The following ZNF407 variants were observed in gnomAD, a reference collection of about 807,000 sequenced individuals.
ZNF407 encodes zinc finger protein 407.
Under a neutral mutation model 131.2 loss-of-function variants are expected in ZNF407, and 17 were observed. That is an observed-to-expected ratio of 0.13 (90% CI 0.09 to 0.19). The LOEUF (loss-of-function observed/expected upper bound fraction) is 0.19. Among genes scored for constraint, ZNF407 ranks in the 10% least tolerant of loss-of-function variants. The pLI is 1.00. For missense variants in ZNF407, 2,681 were observed against 2,830.6 expected (o/e 0.95, Z 1.20); for synonymous variants, 1,156 against 1,062.0 (o/e 1.09, Z -1.72).
In ZNF407 at chr18:74,812,365, C is replaced by T. The variant is rs1168132561; in HGVS notation, c.4877+30863C>T. Among the ~76,000 whole-genome samples the T allele has an allele frequency of 2.0e-5, 3 of 152,186 alleles. No homozygotes were observed. The South Asian group carries it at 6.2e-4, about 31-fold the overall frequency. On this transcript the variant is annotated intron_variant, in intron 4 of 8. Transcript: ENST00000299687. ...ACAATGACTTCTTTACTCTGTTTCA[C>T]ATATACTACCTTCAATGTAATCCCC...
chr18:75,018,412 T>C (rs1035372304), intron 8 of ZNF407, among the ~76,000 whole-genome samples: 2 of 152,148 alleles, frequency 1.3e-5, no homozygotes, highest in East Asian at 3.9e-4. Context: ...TTAGAACTGA[T>C]TGGGATTTGT....
At chr18:74,997,771 T>C (rs1972796255) in intron 8 of ZNF407, among the ~76,000 whole-genome samples, 1 of 152,222 alleles carries the variant, frequency 6.6e-6, no homozygotes, top group South Asian at 2.1e-4. Flanking sequence ...CCTGCTCTTC[T>C]TCTTCCTGCG....
At chr18:74,911,633 A>G (rs1049538933) in intron 7 of ZNF407, among the ~76,000 whole-genome samples, 1 of 152,176 alleles carries the variant, frequency 6.6e-6, no homozygotes, top group Non-Finnish European at 1.5e-5. Context: ...ACCGCACTCA[A>G]TTCAATTTTC....
At chr18:74,600,679 A>C (rs1289963715) in intron 1 of ZNF407, among the ~76,000 whole-genome samples, 1 of 152,204 alleles carries the variant, frequency 6.6e-6, no homozygotes, top group African/African-American at 2.4e-5. Flanking sequence ...ACAGGAACTC[A>C]CTGGGCAAAG....
chr18:74,662,477 A>C (rs1382958179), intron 3 of ZNF407, among the ~76,000 whole-genome samples: 1 of 152,230 alleles, frequency 6.6e-6, no homozygotes, highest in Non-Finnish European at 1.5e-5. Context: ...GCTTGAAATA[A>C]GTTCATAAGC....
chr18:74,775,565 A>G (rs1483568920), intron 3 of ZNF407, among the ~76,000 whole-genome samples: 2 of 152,170 alleles, frequency 1.3e-5, no homozygotes, highest in Admixed American at 6.5e-5. Context: ...AGTTGTGTGA[A>G]TCAGAAGTTT....
chr18:74,828,630 G>A (rs2162209), intron 4 of ZNF407, among the ~76,000 whole-genome samples: 13,172 of 152,214 alleles, frequency 0.087, 653 homozygotes, highest in South Asian at 0.17. Flanking sequence ...TTCCACCACT[G>A]TATAGCTAGA....
At chr18:74,699,391 G>A (rs186956594) in intron 3 of ZNF407, among the ~76,000 whole-genome samples, 178 of 152,244 alleles carry the variant, frequency 1.2e-3, no homozygotes, top group African/African-American at 3.7e-3. Context: ...AGAATTTAGG[G>A]GAGTGCTGGG....
intron 8 of ZNF407, among the ~76,000 whole-genome samples, chr18:75,035,992 G>A (rs564852822): frequency 6.6e-6 from 1 of 152,334 alleles, no homozygotes; most frequent in Admixed American, 6.5e-5. Context: ...ATGGGTGAGA[G>A]GTGGGCGAAG....
rs912191009 is a variant in ZNF407 at position 74,778,933 on chromosome 18, T to C, written c.4803-2495T>C. Among the ~76,000 whole-genome samples the C allele has an allele frequency of 4.6e-5, 7 of 151,744 alleles. No homozygotes were observed. In the South Asian group the frequency reaches 1.5e-3, roughly 32 times the overall value. On this transcript the variant is annotated intron_variant, in intron 3 of 8. Transcript: ENST00000299687. ...CATTTTTGTTTTATTTCTGGTGATA[T>C]GTAGATTATGTATATATATTTTTAA...
At chr18:75,039,839 G>T (rs1380700904) in intron 8 of ZNF407, among the ~76,000 whole-genome samples, 1 of 148,852 alleles carries the variant, frequency 6.7e-6, no homozygotes, top group Non-Finnish European at 1.5e-5. Flanking sequence ...TAAAGAAAAA[G>T]CTCAATTTTA....
Position 74,737,138 on chromosome 18 carries a change from T to A in ZNF407, c.4803-44290T>A, listed in dbSNP as rs79738216. On this transcript the variant is annotated intron_variant, in intron 3 of 8. Coordinates refer to ENST00000299687, the MANE Select transcript of ZNF407 (RefSeq NM_017757.3). ...GAGCTTGCACAAGCTTTTTAAAATA[T>A]CATTGCTGCCACTGAATACATCTAT... Among the ~76,000 whole-genome samples, 47 of 152,344 alleles carry A rather than the reference T, an allele frequency of 3.1e-4. No homozygotes were observed. The East Asian group carries it at 8.5e-3, about 28-fold the overall frequency.
chr18:74,736,488 G>A (rs1968415640), intron 3 of ZNF407, among the ~76,000 whole-genome samples: 1 of 152,098 alleles, frequency 6.6e-6, no homozygotes, highest in African/African-American at 2.4e-5. Context: ...GGGCTTCATT[G>A]AGTCCTAGAA....
chr18:74,979,999 G>A (rs1425914971), intron 8 of ZNF407, among the ~76,000 whole-genome samples: 1 of 151,872 alleles, frequency 6.6e-6, no homozygotes, highest in Non-Finnish European at 1.5e-5. Flanking sequence ...GTTGTCACGT[G>A]GGGTCGCAAA....
At chr18:74,854,548 A>T (rs773439348) in intron 4 of ZNF407, among the ~76,000 whole-genome samples, 1 of 152,210 alleles carries the variant, frequency 6.6e-6, no homozygotes, top group African/African-American at 2.4e-5. Context: ...TTTAAGCTTT[A>T]GTTATTATGG....
chr18:74,946,926 T>C (rs1489625891), intron 8 of ZNF407, among the ~76,000 whole-genome samples: 1 of 152,200 alleles, frequency 6.6e-6, no homozygotes, highest in Non-Finnish European at 1.5e-5. Context: ...CTGATAGACT[T>C]TCTGGTTAAT....
chr18:75,015,650 T>C (rs908043583), intron 8 of ZNF407, among the ~76,000 whole-genome samples: 2 of 150,736 alleles, frequency 1.3e-5, no homozygotes, highest in African/African-American at 4.9e-5. Context: ...TATTTGCCCA[T>C]CTCTAGTGAC....
chr18:74,719,867 T>G (rs1383410154), intron 3 of ZNF407, among the ~76,000 whole-genome samples: 1 of 152,216 alleles, frequency 6.6e-6, no homozygotes, highest in Non-Finnish European at 1.5e-5. Flanking sequence ...AATACTCCAT[T>G]GCGTATATTC....
chr18:74,638,431 C>G (rs1984560125), intron 2 of ZNF407, among the ~76,000 whole-genome samples: 1 of 152,120 alleles, frequency 6.6e-6, no homozygotes. Flanking sequence ...AATGATGGCT[C>G]TAGTGGTTAG....
Sources: allele counts gnomAD v4.1 joint callset (sites outside exome capture counted in the v4.1 genomes callset), GRCh38; gene constraint gnomAD v4.1.1; transcripts MANE v1.5; gene names NCBI Gene and HGNC (gene_info 2026-07-23, HGNC 2026-07-21).